ANKRD18B: variants seen among roughly 807,000 people sequenced by gnomAD.
The protein encoded by ANKRD18B is ankyrin repeat domain-containing protein 18B.
A neutral mutation model predicts 111.8 loss-of-function variants in ANKRD18B; 75 were observed. The observed-to-expected ratio is 0.67, with a 90% CI of 0.56 to 0.81. The LOEUF (loss-of-function observed/expected upper bound fraction) is 0.81. ANKRD18B is among the 40% of genes least tolerant of loss of function. The probability of loss-of-function intolerance (pLI) is 0.00; values close to 1 mark genes in which losing one functional copy is unlikely to be tolerated. For synonymous variants in ANKRD18B, 356 were observed against 417.3 expected (o/e 0.85, Z 1.79); for missense variants, 1,038 against 1,225.5 (o/e 0.85, Z 2.28).
At chr9:33,554,159 GA>G (rs1449579769) in intron 12 of ANKRD18B, among the ~76,000 whole-genome samples, 8 of 97,244 alleles carry the variant, frequency 8.2e-5, no homozygotes, top group African/African-American at 2.4e-4. Flanking sequence ...GAGAAAGAAA[GA>G]AAGAGAGAAA....
At chr9:33,558,636 A>T (rs1053452983) in intron 14 of ANKRD18B, among the ~76,000 whole-genome samples, 1 of 152,158 alleles carries the variant, frequency 6.6e-6, no homozygotes, top group Non-Finnish European at 1.5e-5. Context: ...TGCTATTGTG[A>T]ATAGTGCTGC....
intron 14 of ANKRD18B, among the ~76,000 whole-genome samples, chr9:33,562,407 T>C (rs1182883596): frequency 2.0e-5 from 3 of 151,948 alleles, no homozygotes; most frequent in Admixed American, 2.0e-4. Context: ...GTGCAGATCT[T>C]GCATTCTCAG....
Position 33,566,501 on chromosome 9 carries a change from G to T in ANKRD18B, c.2742+1G>T. On this transcript the variant is annotated splice_donor_variant, in intron 15 of 18. Transcript: ENST00000684830. LOFTEE classifies it high-confidence loss of function. Reference sequence around the variant, plus strand: ...AAAATTAGAAGAAATCCATTTACAGGTTAGTTTTTAAAATCAGGTAAGTTT... The same window carrying T: ...AAAATTAGAAGAAATCCATTTACAGTTTAGTTTTTAAAATCAGGTAAGTTT... 6.2e-7 allele frequency: 1 copy of T among 1,601,454 alleles called. No homozygotes were observed.
chr9:33,532,457 A>G (rs1816120057), intron 3 of ANKRD18B, among the ~76,000 whole-genome samples: 1 of 152,246 alleles, frequency 6.6e-6, no homozygotes, highest in Admixed American at 6.5e-5. Context: ...GATTATCATT[A>G]TAATTGAGAA....
At chr9:33,532,149 G>C (rs981030834) in intron 3 of ANKRD18B, among the ~76,000 whole-genome samples, 7 of 152,040 alleles carry the variant, frequency 4.6e-5, no homozygotes, top group Non-Finnish European at 1.0e-4. Flanking sequence ...CAGGAGAATG[G>C]CATGAACTCG....
downstream of ANKRD18B, among the ~76,000 whole-genome samples, chr9:33,575,158 C>A (rs1443394316): frequency 6.6e-6 from 1 of 152,228 alleles, no homozygotes; most frequent in Admixed American, 6.5e-5. Flanking sequence ...TCATCTCATT[C>A]ATCCTTGCAG....
At chr9:33,551,575 A>G (rs1587269132) in intron 12 of ANKRD18B, among the ~76,000 whole-genome samples, 1 of 152,068 alleles carries the variant, frequency 6.6e-6, no homozygotes, top group African/African-American at 2.4e-5. Context: ...GTTGTAGCAC[A>G]TATCAGTAGT....
chr9:33,566,623 G>A, intron 15 of ANKRD18B, 123 bp downstream of exon 15: 5 of 1,225,408 alleles, frequency 4.1e-6, no homozygotes, highest in Non-Finnish European at 5.5e-6. Context: ...TTCCTTTGTA[G>A]AGCTCTAGAA....
chr9:33,560,432 C>T (rs1018818182), intron 14 of ANKRD18B, among the ~76,000 whole-genome samples: 1 of 152,218 alleles, frequency 6.6e-6, no homozygotes, highest in Admixed American at 6.5e-5. Context: ...TGCAGGTTCC[C>T]TTATCTGCAC....
At chr9:33,565,517 T>C (rs888572445) in intron 14 of ANKRD18B, among the ~76,000 whole-genome samples, 10 of 152,352 alleles carry the variant, frequency 6.6e-5, no homozygotes, top group Middle Eastern at 3.4e-3. Flanking sequence ...CAGGCAGAAG[T>C]GCAGTGATGT....
At chr9:33,550,996 T>C (rs1336755431) in intron 12 of ANKRD18B, among the ~76,000 whole-genome samples, 1 of 152,344 alleles carries the variant, frequency 6.6e-6, no homozygotes, top group East Asian at 1.9e-4. Flanking sequence ...CAGCTGTGCG[T>C]ATTCATTTCA....
intron 3 of ANKRD18B, among the ~76,000 whole-genome samples, chr9:33,529,710 T>A (rs1285681062): frequency 6.6e-6 from 1 of 152,200 alleles, no homozygotes; most frequent in African/African-American, 2.4e-5. Context: ...TTGTTGTTTT[T>A]CCAGTTTATG....
rs1828556318 is a variant in ANKRD18B at position 33,558,261 on chromosome 9, T to G, written c.2460+74T>G. On this transcript the variant is annotated intron_variant, in intron 14 of 18. Transcript: ENST00000684830. ...GAGAGGTACAGGTTTGTTACATAGGTAAATGTGTGCCATGATGGTTTGCTG... is the reference window on the plus strand; with the variant it reads ...GAGAGGTACAGGTTTGTTACATAGGGAAATGTGTGCCATGATGGTTTGCTG... 4.7e-6 allele frequency: 7 copies of G among 1,477,628 alleles called. No homozygotes were observed. In the South Asian group the frequency reaches 9.1e-5, roughly 19 times the overall value. 91.5% of individuals were successfully genotyped at this position (1,477,628 alleles called of 1,614,324 possible).
At position 33,524,704 on chromosome 9, in the gene ANKRD18B, G is replaced by A; in HGVS notation, c.206+9G>A. The A allele has an allele frequency of 6.5e-7, 1 of 1,548,132 alleles. No individual in the cohort carries two copies. On this transcript the variant is annotated intron_variant, in intron 1 of 18. Coordinates refer to ENST00000684830, the MANE Select transcript of ANKRD18B (RefSeq NM_001393611.1). ...CGCGACAGAAAAGACAGGTAGCGGGGGCTCAGCCCTCGGTGGGAGGGGGCC... is the reference window on the plus strand; with the variant it reads ...CGCGACAGAAAAGACAGGTAGCGGGAGCTCAGCCCTCGGTGGGAGGGGGCC...
intron 10 of ANKRD18B, among the ~76,000 whole-genome samples, chr9:33,547,115 T>A (rs1453950620): frequency 3.9e-5 from 6 of 152,170 alleles, no homozygotes; most frequent in Non-Finnish European, 8.8e-5. Context: ...GGTCACATCC[T>A]CTCAATCTGG....
intron 18 of ANKRD18B, chr9:33,571,789 CTT>C (rs1462754195): frequency 1.3e-5 from 2 of 154,548 alleles, no homozygotes; most frequent in Admixed American, 6.4e-5. Context: ...CCGCAGGGCT[CTT>C]TGTTACCTCA....
chr9:33,533,502 T>C lies in ANKRD18B; in HGVS notation c.559T>C (p.Leu187=), dbSNP rs1478893989. ...SRRQHMVEFL[L]KNQANIHAVD... ...GAGACAGCATATGGTGGAATTTTTA[T>C]TGAAGAACCAGGCAAATATACATGC... Residue 187 remains leucine (L), a synonymous_variant, in exon 4 of 19, where the codon TTG becomes CTG. Coordinates refer to ENST00000684830, the MANE Select transcript of ANKRD18B (RefSeq NM_001393611.1). 2.5e-5 allele frequency: 39 copies of C among 1,535,220 alleles called. No individual in the cohort carries two copies. The highest frequency in any genetic ancestry group is 3.4e-5 in the Non-Finnish European group (39 of 1,142,282).
downstream of ANKRD18B, chr9:33,573,050 T>C (rs1828806778): frequency 4.7e-6 from 3 of 636,634 alleles, no homozygotes; most frequent in Admixed American, 4.5e-5. Context: ...ATTAGGCCAG[T>C]GGTAGACATT....
At chr9:33,560,297 C>G (rs1055331691) in intron 14 of ANKRD18B, among the ~76,000 whole-genome samples, 1 of 152,196 alleles carries the variant, frequency 6.6e-6, no homozygotes, top group African/African-American at 2.4e-5. Context: ...CCAGGACAGG[C>G]ACACATGAGC....
Sources: gnomAD v4.1 joint callset for allele counts (sites outside exome capture counted in the v4.1 genomes callset) on GRCh38, gnomAD v4.1.1 for gene constraint, MANE v1.5 for transcripts, NCBI Gene and HGNC (gene_info 2026-07-23, HGNC 2026-07-21) for gene names.